The following MSI2 variants were observed in gnomAD, a reference collection of about 807,000 sequenced individuals.
The protein encoded by MSI2 is musashi RNA binding protein 2, also known as RNA-binding protein Musashi homolog 2.
In MSI2, 17 loss-of-function variants were observed where a neutral mutation model predicts 45.6. That is an observed-to-expected ratio of 0.37 (90% CI 0.26 to 0.56). The LOEUF (loss-of-function observed/expected upper bound fraction) is 0.56. Among genes scored for constraint, MSI2 ranks in the 20% least tolerant of loss-of-function variants. The pLI is 0.77. For missense variants in MSI2, 293 were observed against 444.2 expected (o/e 0.66, Z 3.06); for synonymous variants, 156 against 158.2 (o/e 0.99, Z 0.11).
At chr17:57,574,841 T>C (rs1214668253) in intron 7 of MSI2, among the ~76,000 whole-genome samples, 1 of 150,056 alleles carries the variant, frequency 6.7e-6, no homozygotes, top group African/African-American at 2.5e-5. Context: ...TTTTTTTTTT[T>C]TTTTTTTGAG....
intron 6 of MSI2, among the ~76,000 whole-genome samples, chr17:57,442,750 A>C (rs2084823686): frequency 6.6e-6 from 1 of 151,618 alleles, no homozygotes; most frequent in Admixed American, 6.6e-5. Context: ...GGGCCATCTT[A>C]CTCTTCCTTT....
At chr17:57,557,669 G>C (rs1007532995) in intron 7 of MSI2, among the ~76,000 whole-genome samples, 3 of 152,234 alleles carry the variant, frequency 2.0e-5, no homozygotes, top group African/African-American at 7.2e-5. Context: ...GGCTTTCTGC[G>C]TGGAAGTCTG....
chr17:57,316,339 T>C (rs964367568), intron 5 of MSI2, among the ~76,000 whole-genome samples: 1 of 151,516 alleles, frequency 6.6e-6, no homozygotes, highest in Non-Finnish European at 1.5e-5. Flanking sequence ...TTTTTTTTTT[T>C]GAGGCAAGGT....
chr17:57,698,926 T>TGTGTGTGC, the MSI2 span, among the ~76,000 whole-genome samples: 25 of 134,108 alleles, frequency 1.9e-4, 1 homozygote, highest in African/African-American at 7.9e-4. Context: ...TGTGTGTGTG[T>TGTGTGTGC]GTGTGTGTGT....
chr17:57,473,262 T>G (rs746521439), intron 6 of MSI2, among the ~76,000 whole-genome samples: 1 of 152,240 alleles, frequency 6.6e-6, no homozygotes, highest in African/African-American at 2.4e-5. Context: ...CGGGGCTGCC[T>G]GCTTGGGGAT....
At chr17:57,500,095 T>G (rs2086070124) in intron 6 of MSI2, among the ~76,000 whole-genome samples, 2 of 152,186 alleles carry the variant, frequency 1.3e-5, no homozygotes, top group Admixed American at 1.3e-4. Context: ...GGGGAGATAT[T>G]GTGGCCATCT....
At chr17:57,355,183 G>A (rs1387465728) in intron 5 of MSI2, among the ~76,000 whole-genome samples, 1 of 152,160 alleles carries the variant, frequency 6.6e-6, no homozygotes, top group East Asian at 1.9e-4. Flanking sequence ...TTTCTCTGTG[G>A]GTTGGCCTCA....
rs3059122 is a variant in MSI2 at position 57,581,004 on chromosome 17, C to CTTTTTT, written c.455-15843_455-15838dup. Among the ~76,000 whole-genome samples the CTTTTTT allele has an allele frequency of 4.9e-3, 328 of 66,482 alleles. 58 individuals carry two copies. Among genetic ancestry groups the CTTTTTT allele is most frequent in the African/African-American group, 8.2e-3 (133 of 16,240 alleles). 43.6% of individuals were successfully genotyped at this position (66,482 alleles called of 152,430 possible). A position where few individuals can be genotyped will look rare whatever the true frequency, so the allele number is the denominator to read the frequency against. On this transcript the variant is annotated intron_variant, in intron 7 of 13. Coordinates refer to ENST00000284073, the MANE Select transcript of MSI2 (RefSeq NM_138962.4). ...CATGCCAGCCCCATGAGGTCAGCAT[C>CTTTTTT]TTTTTTTTTTTTTTTTTTTTTTTTT...
intron 5 of MSI2, chr17:57,278,555 T>G (rs1457564485): frequency 2.0e-5 from 3 of 152,296 alleles, no homozygotes; most frequent in Non-Finnish European, 4.4e-5. Flanking sequence ...GGCCATTTGC[T>G]GTTTTAGAGT....
At position 57,399,872 on chromosome 17, in the gene MSI2, C is replaced by T. The variant is rs1192901269; in HGVS notation, c.313-1507C>T. 5.9e-5 allele frequency among the ~76,000 whole-genome samples: 9 copies of T among 152,322 alleles called. No individual in the cohort carries two copies. In the South Asian group the frequency reaches 1.4e-3, roughly 25 times the overall value. ...GAGCTGGATTTCCAGTGCCCTACAG[C>T]ACAGCCTGCCAGTAACCACTGTGCC... On this transcript the variant is annotated intron_variant, in intron 5 of 13. Coordinates refer to ENST00000284073, the MANE Select transcript of MSI2 (RefSeq NM_138962.4).
chr17:57,275,302 C>T (rs1908741191), intron 5 of MSI2, among the ~76,000 whole-genome samples: 1 of 152,184 alleles, frequency 6.6e-6, no homozygotes, highest in Non-Finnish European at 1.5e-5. Flanking sequence ...GAGCACAGGG[C>T]TGGATGGTCC....
chr17:57,473,432 C>T (rs2085477952), intron 6 of MSI2, among the ~76,000 whole-genome samples: 1 of 152,196 alleles, frequency 6.6e-6, no homozygotes, highest in African/African-American at 2.4e-5. Context: ...TCTGATCCAG[C>T]CCAGAGCCTT....
chr17:57,649,037 C>G (rs115915951), intron 10 of MSI2, among the ~76,000 whole-genome samples: 1,718 of 152,306 alleles, frequency 0.011, 31 homozygotes, highest in African/African-American at 0.038. Context: ...TGGAGACAGC[C>G]TGTGCCCTCC....
intron 6 of MSI2, among the ~76,000 whole-genome samples, chr17:57,453,859 G>A (rs1215493367): frequency 1.3e-5 from 2 of 152,228 alleles, no homozygotes; most frequent in East Asian, 3.8e-4. Flanking sequence ...TTGGGCTATA[G>A]TAACTTGTTT....
intron 7 of MSI2, among the ~76,000 whole-genome samples, chr17:57,585,650 A>G (rs1157466381): frequency 6.6e-6 from 1 of 152,194 alleles, no homozygotes; most frequent in Non-Finnish European, 1.5e-5. Context: ...ACGTGAGAGA[A>G]GGTGACAAAT....
intron 6 of MSI2, among the ~76,000 whole-genome samples, chr17:57,498,761 CT>C (rs905290115): frequency 2.2e-4 from 33 of 151,592 alleles, no homozygotes; most frequent in African/African-American, 7.3e-4. Context: ...ACCTTTCTTT[CT>C]TTTTTTTTCT....
the MSI2 span, among the ~76,000 whole-genome samples, chr17:57,690,803 A>G: frequency 6.6e-6 from 1 of 152,220 alleles, no homozygotes; most frequent in African/African-American, 2.4e-5. Flanking sequence ...CAATTTATCA[A>G]TCTTTTTAAA....
At chr17:57,649,890 G>A (rs1567959347) in intron 10 of MSI2, among the ~76,000 whole-genome samples, 2 of 152,268 alleles carry the variant, frequency 1.3e-5, no homozygotes, top group South Asian at 4.1e-4. Flanking sequence ...TCAGATGTAG[G>A]GCACAGAGGC....
intron 6 of MSI2, among the ~76,000 whole-genome samples, chr17:57,501,389 A>G (rs2086103256): frequency 6.6e-6 from 1 of 152,224 alleles, no homozygotes; most frequent in Non-Finnish European, 1.5e-5. Flanking sequence ...CTCCTGTTTT[A>G]TCATCTAGTT....
Sources: gnomAD v4.1 joint callset for allele counts (sites outside exome capture counted in the v4.1 genomes callset) on GRCh38, gnomAD v4.1.1 for gene constraint, MANE v1.5 for transcripts, NCBI Gene and HGNC (gene_info 2026-07-23, HGNC 2026-07-21) for gene names.